Variants in HRH2 observed in about 807,000 individuals in gnomAD.
HRH2 encodes the protein histamine H2 receptor.
Under a neutral mutation model 20.1 loss-of-function variants are expected in HRH2, and 4 were observed. That is an observed-to-expected ratio of 0.20 (90% confidence interval 0.10 to 0.45). The LOEUF (loss-of-function observed/expected upper bound fraction) is 0.45. HRH2 is among the 20% of genes least tolerant of loss of function. HRH2 has a pLI of 0.99. For synonymous variants in HRH2, 197 were observed against 200.7 expected, an observed-to-expected ratio of 0.98 and a Z score of 0.16; for missense variants, 250 against 461.6, an observed-to-expected ratio of 0.54 and a Z score of 4.20.
intron 2 of HRH2, chr5:175,704,136 A>T (rs1354871336): frequency 3.3e-5 from 5 of 152,088 alleles, no homozygotes; most frequent in Non-Finnish European, 2.9e-5. Context: ...AAAGAGAGAA[A>T]CTCTCCTATT....
rs7714179 is a variant in HRH2 at position 175,706,746 on chromosome 5, A to G, written c.1077-1033A>G. On this transcript the variant is annotated intron_variant, in intron 2 of 2. Coordinates refer to ENST00000636584, the MANE Select transcript of HRH2 (RefSeq NM_001367711.1). ...CCTTCTGCAATGGCCTGGCCGGCAC[A>G]TGCCCTCACATGGAAGGAAGCGCAG... Among the ~76,000 whole-genome samples, 719 of 152,364 alleles carry G rather than the reference A, an allele frequency of 4.7e-3. 5 individuals are homozygous for G. The highest frequency in any genetic ancestry group is 0.016 in the African/African-American group (685 of 41,592).
chr5:175,699,774 C>T (rs1055185862), intron 2 of HRH2, among the ~76,000 whole-genome samples: 2 of 152,266 alleles, frequency 1.3e-5, no homozygotes, highest in South Asian at 2.1e-4. Flanking sequence ...AGGGTTTCAC[C>T]GTGTTAGCCG....
intron 2 of HRH2, chr5:175,685,335 T>C: frequency 7.2e-7 from 1 of 1,397,954 alleles, no homozygotes; most frequent in Non-Finnish European, 9.8e-7. Context: ...AAAGAGCAAA[T>C]GAAAGAATGC....
chr5:175,684,562 C>T lies in HRH2; in HGVS notation c.1076+253C>T, dbSNP rs552442696. ...GGCCGCACAGCTGGGGCCTGAAGAG[C>T]GGTCACCTGACTTCGGAACTCGCAA... On this transcript the variant is annotated intron_variant, in intron 2 of 2. Transcript: ENST00000636584. Among the ~76,000 whole-genome samples, 13 of 152,356 alleles carry T rather than the reference C, an allele frequency of 8.5e-5. No individual in the cohort carries two copies. The East Asian group carries it at 9.6e-4, about 11-fold the overall frequency.
At position 175,684,205 on chromosome 5, in the gene HRH2, G is replaced by C. The variant is rs751054770; in HGVS notation, c.972G>C (p.Leu324=). 1.4e-5 allele frequency: 22 copies of C among 1,614,076 alleles called. No homozygotes were observed. The highest frequency in any genetic ancestry group is 1.9e-5 in the Non-Finnish European group (22 of 1,180,044). ...KTSLRSNASQ[L]SRTQSREPRQ... is the part of the protein sequence containing the mutation. ...CTCTGAGGTCCAACGCCTCTCAGCT[G>C]TCCAGGACCCAAAGCCGAGAACCCA... Residue 324 remains leucine, a synonymous_variant, in exon 2 of 3, where the codon CTG becomes CTC. Transcript: ENST00000636584.
In HRH2 at chr5:175,684,292, C is replaced by T; in HGVS notation, c.1059C>T (p.Pro353=). 1 of 1,613,962 alleles carries T rather than the reference C, an allele frequency of 6.2e-7. No homozygotes were observed. The highest frequency in any genetic ancestry group is 8.5e-7 in the Non-Finnish European group (1 of 1,179,928). Residue 353 remains proline, a synonymous_variant, in exon 2 of 3, where the codon CCC becomes CCT. Coordinates refer to ENST00000636584, the MANE Select transcript of HRH2 (RefSeq NM_001367711.1). ...GGAGTGGGACAGAAGTCACGGCCCCCCAGGGAGCCACAGACAGGTAATAGC... is the reference window on the plus strand; with the variant it reads ...GGAGTGGGACAGAAGTCACGGCCCCTCAGGGAGCCACAGACAGGTAATAGC... ...QVWSGTEVTA[P]QGATDRKPAL... is the part of the protein sequence containing the mutation.
chr5:175,675,018 C>T (rs753466795), intron 1 of HRH2, among the ~76,000 whole-genome samples: 6 of 152,180 alleles, frequency 3.9e-5, no homozygotes, highest in Middle Eastern at 3.2e-3. Flanking sequence ...ATGTGGAGGC[C>T]GAGAACAGGG....
intron 2 of HRH2, chr5:175,685,537 G>T (rs1480463651): frequency 2.0e-6 from 3 of 1,468,192 alleles, no homozygotes; most frequent in Non-Finnish European, 2.8e-6. Context: ...TGAATACTGG[G>T]GATGTAGAAA....
At chr5:175,671,164 A>G (rs763377856) in intron 1 of HRH2, among the ~76,000 whole-genome samples, 36 of 152,228 alleles carry the variant, frequency 2.4e-4, no homozygotes, top group Non-Finnish European at 3.2e-4. Context: ...AGTGAGGAAA[A>G]GAGAAGTTGG....
At chr5:175,670,346 A>G (rs760009919) in intron 1 of HRH2, among the ~76,000 whole-genome samples, 2 of 145,690 alleles carry the variant, frequency 1.4e-5, no homozygotes, top group Admixed American at 7.7e-5. Flanking sequence ...GTTGCTTCTT[A>G]AAAAAAATTG....
At chr5:175,673,200 C>T (rs1266512705) in intron 1 of HRH2, among the ~76,000 whole-genome samples, 1 of 151,942 alleles carries the variant, frequency 6.6e-6, no homozygotes, top group Non-Finnish European at 1.5e-5. Context: ...CGAACTAGGA[C>T]TAGGACGGGG....
chr5:175,669,818 G>T (rs1012057184), intron 1 of HRH2, among the ~76,000 whole-genome samples: 3 of 152,148 alleles, frequency 2.0e-5, no homozygotes, highest in African/African-American at 7.2e-5. Context: ...TTTGTCCCAC[G>T]ATTATGTTCA....
rs1755799892 is a variant in HRH2 at position 175,677,527 on chromosome 5, G to C, written c.-525-5182G>C. Among the ~76,000 whole-genome samples, 1 of 152,160 alleles carries C rather than the reference G, an allele frequency of 6.6e-6. No homozygotes were observed. The highest frequency in any genetic ancestry group is 2.4e-5 in the African/African-American group (1 of 41,438). On this transcript the variant is annotated intron_variant, in intron 1 of 2. Coordinates refer to ENST00000636584, the MANE Select transcript of HRH2 (RefSeq NM_001367711.1). This position sits in a 1 kb window ranked among gnomAD's most constrained non-coding sequence, Gnocchi z 4.2. The stretch of plus-strand genomic sequence containing the variant: ...GCCACGTTGGTCCGCAGCTCGTATC[G>C]GGGCAGCCACTCTGGGCTTGGAGAG...
intron 2 of HRH2, among the ~76,000 whole-genome samples, chr5:175,701,690 A>G (rs1756791589): frequency 6.6e-6 from 1 of 152,204 alleles, no homozygotes; most frequent in South Asian, 2.1e-4. Flanking sequence ...GCCAGGGCAA[A>G]GGGAAATAGG....
intron 2 of HRH2, among the ~76,000 whole-genome samples, chr5:175,690,969 C>A (rs974688577): frequency 2.0e-5 from 3 of 152,222 alleles, no homozygotes; most frequent in Non-Finnish European, 4.4e-5. Context: ...ATTTTTCCCT[C>A]CCGTCTGTTT....
rs528147251 is a variant in HRH2, at chr5:175,687,431, G to A, written c.1076+3122G>A. Among the ~76,000 whole-genome samples the A allele has an allele frequency of 1.3e-5, 2 of 152,272 alleles. No individual in the cohort carries two copies. The highest frequency in any genetic ancestry group is 4.8e-5 in the African/African-American group (2 of 41,552). On this transcript the variant is annotated intron_variant, in intron 2 of 2. Coordinates refer to ENST00000636584, the MANE Select transcript of HRH2 (RefSeq NM_001367711.1). This position sits in a 1 kb window ranked among gnomAD's most constrained non-coding sequence, Gnocchi z 5.2. ...AAGGGAACGGAGCCAGCCTGCCCTG[G>A]GTGGGGTGGGGGCACCGTCGGCCAA...
At chr5:175,690,627 C>T (rs967248541) in intron 2 of HRH2, among the ~76,000 whole-genome samples, 48 of 152,182 alleles carry the variant, frequency 3.2e-4, no homozygotes, top group African/African-American at 1.0e-3. Context: ...TAGGATTCAC[C>T]CGTTTAAAGT....
At chr5:175,665,351 C>T (rs937162879) in intron 1 of HRH2, among the ~76,000 whole-genome samples, 3 of 151,960 alleles carry the variant, frequency 2.0e-5, no homozygotes, top group Admixed American at 6.6e-5. Flanking sequence ...GAGGGAGGTC[C>T]GGACCCAGGA....
intron 2 of HRH2, among the ~76,000 whole-genome samples, chr5:175,702,545 CT>C (rs1163403100): frequency 7.6e-3 from 652 of 86,078 alleles, no homozygotes; most frequent in African/African-American, 0.024. Flanking sequence ...AGTATACCAT[CT>C]TTTTTTTTTT....
Sources: gnomAD v4.1 joint callset for allele counts (sites outside exome capture counted in the v4.1 genomes callset) on GRCh38, gnomAD v4.1.1 for gene constraint, Gnocchi (gnomAD v3.1) non-coding constraint, MANE v1.5 for transcripts, NCBI Gene and HGNC (gene_info 2026-07-23, HGNC 2026-07-21) for gene names.